FBXO16: variants seen among roughly 807,000 people sequenced by gnomAD.
FBXO16 encodes F-box only protein 16.
A neutral mutation model predicts 41.0 loss-of-function variants in FBXO16; 31 were observed. The observed-to-expected ratio is 0.76, with a 90% CI of 0.57 to 1.02. FBXO16 has a LOEUF of 1.02. Among genes scored for constraint, FBXO16 ranks in the 50% least tolerant of loss-of-function variants. FBXO16 has a pLI of 0.00. For missense variants in FBXO16, 361 were observed against 346.2 expected, an observed-to-expected ratio of 1.04 and a Z score of -0.34; for synonymous variants, 133 against 117.8, an observed-to-expected ratio of 1.13 and a Z score of -0.84.
In FBXO16 at chr8:28,465,451, C is replaced by CA. The variant is rs1191536030; in HGVS notation, c.136-1634dup. On this transcript the variant is annotated intron_variant, in intron 3 of 8. Transcript: ENST00000380254. ...CAGCCCGAGCAACACCCCATCTGCA[C>CA]AAAAAAATAAAAAGTTAGCTGGGTA... 2.5e-5 allele frequency: 11 copies of CA among 447,626 alleles called. No homozygotes were observed. The Middle Eastern group carries it at 9.9e-4, about 40-fold the overall frequency. 27.7% of individuals were successfully genotyped at this position (447,626 alleles called of 1,614,324 possible).
intron 5 of FBXO16, among the ~76,000 whole-genome samples, chr8:28,455,265 A>G (rs1008027867): frequency 1.3e-5 from 2 of 149,770 alleles, no homozygotes; most frequent in Admixed American, 6.7e-5. Context: ...TTTGAGACAG[A>G]GTATTGCTCT....
At position 28,436,265 on chromosome 8, in the gene FBXO16, T is replaced by C. The variant is rs185757393; in HGVS notation, c.844-6862A>G. ...CTGGGGAAGGACCCCTGCTGTCTCC[T>C]GTCTGCTCAGGAGCCCAGAAAGCTG... On this transcript the variant is annotated intron_variant, in intron 7 of 8. Coordinates refer to ENST00000380254, the MANE Select transcript of FBXO16 (RefSeq NM_172366.4). Among the ~76,000 whole-genome samples, 368 of 152,326 alleles carry C rather than the reference T, an allele frequency of 2.4e-3. 2 individuals are homozygous for C. The highest frequency in any genetic ancestry group is 8.3e-3 in the African/African-American group (344 of 41,560).
At chr8:28,445,761 T>G (rs1585897027) in intron 7 of FBXO16, among the ~76,000 whole-genome samples, 2 of 152,320 alleles carry the variant, frequency 1.3e-5, no homozygotes, top group South Asian at 4.1e-4. Context: ...CTTTTTTCTT[T>G]TTTTTGCAAC....
intron 7 of FBXO16, among the ~76,000 whole-genome samples, chr8:28,436,767 T>TA (rs376966737): frequency 6.6e-6 from 1 of 152,312 alleles, no homozygotes; most frequent in East Asian, 1.9e-4. Flanking sequence ...TATATATATA[T>TA]TTTTAAGACA....
At chr8:28,467,501 G>A (rs868582934) in intron 3 of FBXO16, among the ~76,000 whole-genome samples, 3 of 152,204 alleles carry the variant, frequency 2.0e-5, no homozygotes, top group Admixed American at 2.0e-4. Context: ...CTAATAGAGT[G>A]CATGACTCAT....
At chr8:28,452,879 T>C (rs1240549104) in intron 5 of FBXO16, among the ~76,000 whole-genome samples, 1 of 150,976 alleles carries the variant, frequency 6.6e-6, no homozygotes, top group East Asian at 1.9e-4. Context: ...AAACAAAGAA[T>C]ATATTGATGT....
chr8:28,468,673 TTAAAATAAAAAA>T (rs1803283615), intron 3 of FBXO16, among the ~76,000 whole-genome samples: 1 of 152,006 alleles, frequency 6.6e-6, no homozygotes, highest in Non-Finnish European at 1.5e-5. Context: ...ATCCTGTTTC[TTAAAATAAAAAA>T]TAAAATAAAA....
At chr8:28,437,395 G>A (rs1014523530) in intron 7 of FBXO16, among the ~76,000 whole-genome samples, 8 of 152,170 alleles carry the variant, frequency 5.3e-5, no homozygotes, top group Non-Finnish European at 1.0e-4. Flanking sequence ...TCCAAGTAGC[G>A]GGCTCACCTG....
At chr8:28,456,165 A>G (rs1199481710) in intron 5 of FBXO16, among the ~76,000 whole-genome samples, 1 of 151,706 alleles carries the variant, frequency 6.6e-6, no homozygotes, top group East Asian at 1.9e-4. Flanking sequence ...ACGAATGAAT[A>G]TAAGCATTGG....
intron 2 of FBXO16, among the ~76,000 whole-genome samples, chr8:28,476,845 T>A (rs1803431159): frequency 6.6e-6 from 1 of 152,236 alleles, no homozygotes; most frequent in Non-Finnish European, 1.5e-5. Context: ...TGTGGATCAC[T>A]TTCCTTTCTT....
chr8:28,474,853 T>C (rs1803399482), intron 2 of FBXO16, among the ~76,000 whole-genome samples: 1 of 152,250 alleles, frequency 6.6e-6, no homozygotes. Context: ...AATATCCTTA[T>C]GGATGTATCA....
chr8:28,480,079 T>C (rs1019251530), intron 2 of FBXO16, among the ~76,000 whole-genome samples: 3 of 152,096 alleles, frequency 2.0e-5, no homozygotes, highest in Non-Finnish European at 2.9e-5. Flanking sequence ...CCTGGCTAGA[T>C]GAAGGCTGAA....
At position 28,452,539 on chromosome 8, in the gene FBXO16, G is replaced by A. The variant is rs191927649; in HGVS notation, c.508-63C>T. The A allele has an allele frequency of 4.6e-4, 702 of 1,515,244 alleles. 3 individuals are homozygous for A. The highest frequency in any genetic ancestry group is 1.0e-3 in the Admixed American group (56 of 56,102). The allele number at this position is 1,515,244 out of a possible 1,614,324, so 93.9% of individuals were successfully genotyped here. On this transcript the variant is annotated intron_variant, in intron 5 of 8. Coordinates refer to ENST00000380254, the MANE Select transcript of FBXO16 (RefSeq NM_172366.4). ...TAATACGCTGGGTGCGGTGGCTCAC[G>A]CCTGTAATCCCAGCACTTTGGGAGG...
chr8:28,464,396 T>G (rs17059130), intron 3 of FBXO16, among the ~76,000 whole-genome samples: 3,429 of 152,254 alleles, frequency 0.023, 130 homozygotes, highest in African/African-American at 0.074. Context: ...GTCCAACAAT[T>G]GGCTACTTCA....
At chr8:28,468,121 A>T in intron 3 of FBXO16, among the ~76,000 whole-genome samples, 1 of 152,094 alleles carries the variant, frequency 6.6e-6, no homozygotes, top group East Asian at 1.9e-4. Context: ...CTCTTGCGTC[A>T]CCTCTCAAGC....
intron 4 of FBXO16, among the ~76,000 whole-genome samples, chr8:28,459,195 TTTCAG>T (rs1803084591): frequency 6.6e-6 from 1 of 152,246 alleles, no homozygotes; most frequent in African/African-American, 2.4e-5. Context: ...GTTCTTTTCC[TTTCAG>T]TTTTTATTTG....
intron 4 of FBXO16, among the ~76,000 whole-genome samples, 162 bp downstream of exon 4, chr8:28,463,448 TTA>T (rs1487160155): frequency 6.6e-6 from 1 of 151,444 alleles, no homozygotes; most frequent in African/African-American, 2.4e-5. Flanking sequence ...ATGTGTGTGT[TTA>T]TGAGTATATG....
chr8:28,473,178 C>T (rs1803364771), intron 3 of FBXO16, among the ~76,000 whole-genome samples: 1 of 152,188 alleles, frequency 6.6e-6, no homozygotes. Context: ...CTTAACCAAT[C>T]CTTTTCATTG....
At chr8:28,467,532 T>C (rs1434393590) in intron 3 of FBXO16, among the ~76,000 whole-genome samples, 1 of 152,206 alleles carries the variant, frequency 6.6e-6, no homozygotes, top group African/African-American at 2.4e-5. Flanking sequence ...GCAGCTACTA[T>C]TAGAAAATGT....
Sources: gnomAD v4.1 joint callset for allele counts (sites outside exome capture counted in the v4.1 genomes callset) on GRCh38, gnomAD v4.1.1 for gene constraint, MANE v1.5 for transcripts, NCBI Gene and HGNC (gene_info 2026-07-23, HGNC 2026-07-21) for gene names.